Variants in SPON1 observed in about 807,000 individuals in gnomAD.
SPON1 encodes spondin 1.
SPON1 carries 52 observed loss-of-function variants against 111.7 expected under a neutral mutation model. The observed-to-expected ratio is 0.47, with a 90% CI of 0.37 to 0.59. The LOEUF (loss-of-function observed/expected upper bound fraction) is 0.59, where lower values mean the gene tolerates loss of function less well. Ranked by LOEUF, SPON1 falls within the 20% of genes least tolerant of loss-of-function variation. The pLI, the probability that SPON1 is intolerant of heterozygous loss-of-function variation, is 0.00. For synonymous variants in SPON1, 410 were observed against 395.8 expected (o/e 1.04, Z -0.43); for missense variants, 957 against 1,068.5 (o/e 0.90, Z 1.46).
chr11:14,179,680 T>G (rs1028104038), intron 6 of SPON1, among the ~76,000 whole-genome samples: 2 of 152,194 alleles, frequency 1.3e-5, no homozygotes, highest in Non-Finnish European at 2.9e-5. Context: ...CCTATGTTAT[T>G]ATCATGTGGA....
At chr11:14,154,177 C>T (rs1449843923) in intron 6 of SPON1, among the ~76,000 whole-genome samples, 1 of 152,226 alleles carries the variant, frequency 6.6e-6, no homozygotes, top group African/African-American at 2.4e-5. Context: ...ACCCTCTTCT[C>T]ACAGCTCCAC....
At chr11:14,010,171 T>C (rs1167176552) in intron 2 of SPON1, among the ~76,000 whole-genome samples, 2 of 152,106 alleles carry the variant, frequency 1.3e-5, no homozygotes, top group Non-Finnish European at 2.9e-5. Flanking sequence ...GTTTTGCCCA[T>C]GTTGGAGGGC....
At chr11:14,161,371 T>C (rs1232797967) in intron 6 of SPON1, among the ~76,000 whole-genome samples, 10 of 147,240 alleles carry the variant, frequency 6.8e-5, no homozygotes, top group Admixed American at 6.4e-4. Flanking sequence ...CAGGCTGGAG[T>C]GCAGTGGTGC....
chr11:13,995,902 A>C (rs1229124892), intron 2 of SPON1, among the ~76,000 whole-genome samples: 1 of 152,240 alleles, frequency 6.6e-6, no homozygotes, highest in Non-Finnish European at 1.5e-5. Context: ...AAATTGCTGC[A>C]TCTGTGCAAA....
At chr11:13,964,653 G>A (rs1848001833) in intron 1 of SPON1, among the ~76,000 whole-genome samples, 1 of 152,222 alleles carries the variant, frequency 6.6e-6, no homozygotes, top group Non-Finnish European at 1.5e-5. Flanking sequence ...ACTCCACGAA[G>A]AAAGATTCTG....
At chr11:14,161,019 CTA>C (rs1564919897) in intron 6 of SPON1, among the ~76,000 whole-genome samples, 6 of 55,374 alleles carry the variant, frequency 1.1e-4, no homozygotes, top group African/African-American at 1.6e-4. Context: ...ATTTATATAT[CTA>C]TATATATTTA....
chr11:14,177,986 A>G (rs1171707885), intron 6 of SPON1, among the ~76,000 whole-genome samples: 1 of 151,964 alleles, frequency 6.6e-6, no homozygotes, highest in Non-Finnish European at 1.5e-5. Context: ...TACTTGTCAC[A>G]TGAAATACAT....
intron 7 of SPON1, among the ~76,000 whole-genome samples, chr11:14,250,498 C>T (rs1193591428): frequency 2.0e-5 from 3 of 151,578 alleles, no homozygotes; most frequent in African/African-American, 7.3e-5. Context: ...TTTGTATAGT[C>T]CTTATCTATA....
intron 2 of SPON1, among the ~76,000 whole-genome samples, chr11:14,016,599 A>T (rs1199885946): frequency 6.6e-6 from 1 of 152,118 alleles, no homozygotes; most frequent in African/African-American, 2.4e-5. Context: ...TTTTTCTGTT[A>T]TATTTTTATA....
At chr11:14,164,230 G>A (rs530413333) in intron 6 of SPON1, among the ~76,000 whole-genome samples, 44 of 152,192 alleles carry the variant, frequency 2.9e-4, no homozygotes, top group Admixed American at 5.2e-4. Flanking sequence ...AGAAACTCAC[G>A]GGAAGTCCAT....
chr11:14,190,018 T>C (rs1372214493), intron 6 of SPON1, among the ~76,000 whole-genome samples: 1 of 152,214 alleles, frequency 6.6e-6, no homozygotes, highest in Non-Finnish European at 1.5e-5. Context: ...TGAGTTTGTA[T>C]AATTATATGC....
At chr11:14,089,055 C>A (rs1849029611) in intron 5 of SPON1, among the ~76,000 whole-genome samples, 1 of 151,954 alleles carries the variant, frequency 6.6e-6, no homozygotes, top group Non-Finnish European at 1.5e-5. Context: ...TTCTGATCTT[C>A]CTTGCACTGG....
chr11:14,203,600 A>G (rs1349694719), intron 6 of SPON1, among the ~76,000 whole-genome samples: 12 of 152,226 alleles, frequency 7.9e-5, no homozygotes, highest in African/African-American at 2.9e-4. Flanking sequence ...GAGCTTTTAA[A>G]GAAAACAAAT....
intron 5 of SPON1, among the ~76,000 whole-genome samples, chr11:14,093,878 T>C (rs1407816264): frequency 6.6e-6 from 1 of 152,196 alleles, no homozygotes; most frequent in African/African-American, 2.4e-5. Context: ...ATTTAAGTAA[T>C]GTCAGGTCTT....
At chr11:14,093,788 T>G (rs1849077583) in intron 5 of SPON1, among the ~76,000 whole-genome samples, 1 of 152,252 alleles carries the variant, frequency 6.6e-6, no homozygotes, top group Admixed American at 6.5e-5. Context: ...TTGAACATAC[T>G]GTTCTACTTT....
At chr11:13,990,122 ATCTG>A (rs1486236660) in intron 2 of SPON1, among the ~76,000 whole-genome samples, 1 of 151,990 alleles carries the variant, frequency 6.6e-6, no homozygotes, top group Non-Finnish European at 1.5e-5. Flanking sequence ...TATCTCATTG[ATCTG>A]TCTAATATTG....
intron 3 of SPON1, among the ~76,000 whole-genome samples, chr11:14,044,481 G>A (rs1239495175): frequency 1.3e-5 from 2 of 152,012 alleles, no homozygotes; most frequent in African/African-American, 4.8e-5. Context: ...GCGTGGTGGT[G>A]CGCACCTGTA....
Position 14,127,337 on chromosome 11 carries a change from C to T in SPON1, c.677-8083C>T, listed in dbSNP as rs1362051819. Among the ~76,000 whole-genome samples the T allele has an allele frequency of 2.0e-5, 3 of 149,462 alleles. 1 individual carries two copies. The Middle Eastern group carries it at 0.01, about 523-fold the overall frequency. ...AAAAAACCCAGTTTTAACTACTTTA[C>T]CAAAATGCCTCCCAAGGACTGTTCA... On this transcript the variant is annotated intron_variant, in intron 5 of 15. Transcript: ENST00000576479.
rs782317191 is a variant in SPON1, at chr11:14,243,369, A to G, written c.863A>G (p.Gln288Arg). 1 of 1,584,124 alleles carries G rather than the reference A, an allele frequency of 6.3e-7. No homozygotes were observed. Among genetic ancestry groups the G allele is most frequent in the South Asian group, 1.2e-5 (1 of 86,346 alleles). The change falls in exon 7 of 16, where the codon CAA becomes CGA. Residue 288 changes from glutamine to arginine, a missense_variant. Physicochemically the swap from Gln to Arg is conservative, Grantham distance 43. Around this residue, in one of 5 missense-constraint regions of SPON1, gnomAD observed 122 missense variants for 143.2 expected, o/e 0.85. Coordinates refer to ENST00000576479, the MANE Select transcript of SPON1 (RefSeq NM_006108.4). ...EVLTVIKAKA[Q>R]WPAWQPLNVR... is the part of the protein sequence containing the mutation. ...CTCACCGTCATCAAAGCCAAAGCCCAATGGCCAGCCTGGCAGCCTCTCAAC... is the reference window on the plus strand; with the variant it reads ...CTCACCGTCATCAAAGCCAAAGCCCGATGGCCAGCCTGGCAGCCTCTCAAC...
Sources: allele counts gnomAD v4.1 joint callset (sites outside exome capture counted in the v4.1 genomes callset), GRCh38; gene constraint gnomAD v4.1.1; regional missense constraint gnomAD v4.1.1; transcripts MANE v1.5; gene names NCBI Gene and HGNC (gene_info 2026-07-23, HGNC 2026-07-21).